IGSF11: variants seen among roughly 807,000 people sequenced by gnomAD.
The protein encoded by IGSF11 is CXADR like 1.
In IGSF11, 22 loss-of-function variants were observed where a neutral mutation model predicts 41.0. The ratio of observed to expected loss-of-function variants is 0.54; its 90% CI spans 0.38 to 0.77. The LOEUF (loss-of-function observed/expected upper bound fraction) is 0.77. Ranked by LOEUF, IGSF11 falls within the 30% of genes least tolerant of loss-of-function variation. The pLI is 0.00. For synonymous variants in IGSF11, 219 were observed against 201.3 expected, an observed-to-expected ratio of 1.09 and a Z score of -0.74; for missense variants, 444 against 530.8, an observed-to-expected ratio of 0.84 and a Z score of 1.61.
intron 1 of IGSF11, among the ~76,000 whole-genome samples, chr3:118,995,465 A>G (rs1936175234): frequency 6.6e-6 from 1 of 152,146 alleles, no homozygotes; most frequent in African/African-American, 2.4e-5. Context: ...AAGACTGGAG[A>G]TTAATTAAGA....
At chr3:119,021,601 G>T (rs1939294801) in intron 1 of IGSF11, among the ~76,000 whole-genome samples, 1 of 151,916 alleles carries the variant, frequency 6.6e-6, no homozygotes, top group Non-Finnish European at 1.5e-5. Context: ...ACCTAAAAAG[G>T]CTAAAAATAA....
intron 1 of IGSF11, among the ~76,000 whole-genome samples, chr3:118,987,016 T>C (rs1000936241): frequency 6.6e-6 from 1 of 152,194 alleles, no homozygotes; most frequent in Admixed American, 6.5e-5. Flanking sequence ...TAGATTCATT[T>C]ATCTAGACAT....
intron 1 of IGSF11, among the ~76,000 whole-genome samples, chr3:119,097,656 G>A (rs2107501933): frequency 6.6e-6 from 1 of 152,192 alleles, no homozygotes; most frequent in South Asian, 2.1e-4. Context: ...CAACTCTTTT[G>A]TTTTATTCCT....
intron 4 of IGSF11, among the ~76,000 whole-genome samples, chr3:118,913,910 G>C (rs1450382322): frequency 6.6e-6 from 1 of 152,190 alleles, no homozygotes; most frequent in Non-Finnish European, 1.5e-5. Flanking sequence ...CAGAAGCTGA[G>C]AGTTATGGTG....
chr3:119,003,706 A>C (rs1343031662), intron 1 of IGSF11, among the ~76,000 whole-genome samples: 1 of 151,930 alleles, frequency 6.6e-6, no homozygotes, highest in East Asian at 1.9e-4. Context: ...CTTTTTCTGC[A>C]TCTATTGAGA....
intron 1 of IGSF11, among the ~76,000 whole-genome samples, chr3:119,055,365 G>C (rs1484374614): frequency 6.6e-6 from 1 of 152,166 alleles, no homozygotes; most frequent in Admixed American, 6.5e-5. Flanking sequence ...GGCTAAAAGA[G>C]ACAAAGAAGG....
At chr3:119,032,273 C>T (rs1410268804) in intron 1 of IGSF11, among the ~76,000 whole-genome samples, 1 of 152,164 alleles carries the variant, frequency 6.6e-6, no homozygotes. Flanking sequence ...ACCCCTCCTG[C>T]TATTCCACAT....
intron 1 of IGSF11, among the ~76,000 whole-genome samples, chr3:119,136,732 C>T (rs573993694): frequency 9.9e-5 from 15 of 152,148 alleles, no homozygotes; most frequent in African/African-American, 2.6e-4. Context: ...TTCAACACCC[C>T]GCTTTCAGCA....
rs1939059255 is a variant in IGSF11, at chr3:118,902,787, T to C, written c.1029A>G (p.Gln343=). The C allele has an allele frequency of 5.0e-6, 8 of 1,614,162 alleles. No homozygotes were observed. The highest frequency in any genetic ancestry group is 5.9e-6 in the Non-Finnish European group (7 of 1,180,000). The change falls in exon 7 of 7, where the codon CAA becomes CAG. Residue 343 remains glutamine, a synonymous_variant. Coordinates refer to ENST00000393775, the MANE Select transcript of IGSF11 (RefSeq NM_001015887.3). ...CATTGCCTGAGTGGAAAGAGAAAGATTGGCCCAAGTCACTGAAGTGGCTGA... is the reference window on the plus strand; with the variant it reads ...CATTGCCTGAGTGGAAAGAGAAAGACTGGCCCAAGTCACTGAAGTGGCTGA... ...ESVSHFSDLG[Q]SFSFHSGNAN... is the part of the protein sequence containing the mutation.
intron 1 of IGSF11, among the ~76,000 whole-genome samples, chr3:119,055,933 G>C (rs1448802084): frequency 6.6e-6 from 1 of 152,154 alleles, no homozygotes; most frequent in Non-Finnish European, 1.5e-5. Context: ...TAAGAAAAAA[G>C]ACTCAACATA....
chr3:119,034,590 C>A lies in IGSF11; in HGVS notation c.-8G>T, dbSNP rs763911090. ...GGAACGCTGAGAAGTCATCCCGGGGCCGCAGGGAGCGCGCCTGCCTCCTAC... is the reference window on the plus strand; with the variant it reads ...GGAACGCTGAGAAGTCATCCCGGGGACGCAGGGAGCGCGCCTGCCTCCTAC... On this transcript the variant is annotated 5_prime_UTR_variant, in exon 1 of 7. Transcript: ENST00000393775. The A allele has an allele frequency of 2.0e-5, 31 of 1,586,838 alleles. No homozygotes were observed. Among genetic ancestry groups the A allele is most frequent in the Non-Finnish European group, 2.5e-5 (29 of 1,168,172 alleles).
At chr3:119,105,571 G>A (rs6779584), upstream of IGSF11, among the ~76,000 whole-genome samples, 102,701 of 152,012 alleles carry the variant, frequency 0.68, 35,110 homozygotes, top group East Asian at 0.85. Flanking sequence ...ACCTGCATCA[G>A]TCACAACTTA....
intron 1 of IGSF11, among the ~76,000 whole-genome samples, chr3:119,058,374 T>C (rs1166231680): frequency 2.0e-5 from 3 of 152,002 alleles, no homozygotes; most frequent in East Asian, 3.8e-4. Flanking sequence ...CATGAAAAAA[T>C]GCTCATCATC....
intron 1 of IGSF11, among the ~76,000 whole-genome samples, chr3:119,011,853 C>T (rs1938150053): frequency 6.6e-6 from 1 of 151,960 alleles, no homozygotes; most frequent in African/African-American, 2.4e-5. Context: ...AAATGTTGAA[C>T]ATATAATCTA....
intron 1 of IGSF11, among the ~76,000 whole-genome samples, chr3:119,092,292 T>G (rs2076776493): frequency 6.6e-6 from 1 of 152,182 alleles, no homozygotes; most frequent in Admixed American, 6.5e-5. Context: ...AGAAAAAATT[T>G]TTAATAAATT....
chr3:119,004,453 A>T (rs1381109371), intron 1 of IGSF11, among the ~76,000 whole-genome samples: 2 of 151,250 alleles, frequency 1.3e-5, no homozygotes, highest in Admixed American at 6.6e-5. Context: ...TTTGTGTGTC[A>T]CTATTTCCTT....
rs1346300882 is a variant in IGSF11 at position 118,901,842 on chromosome 3, C to G, written c.*678G>C. 2 of 151,322 alleles carry G rather than the reference C, an allele frequency of 1.3e-5. No homozygotes were observed. The highest frequency in any genetic ancestry group is 2.9e-5 in the Non-Finnish European group (2 of 67,916). The allele number at this position is 151,322 out of a possible 1,614,324, so 9.4% of individuals were successfully genotyped here. A position where few individuals can be genotyped will look rare whatever the true frequency, so the allele number is the denominator to read the frequency against. On this transcript the variant is annotated 3_prime_UTR_variant, in exon 7 of 7. Coordinates refer to ENST00000393775, the MANE Select transcript of IGSF11 (RefSeq NM_001015887.3). ...ACCTGTAACAGATCCTAGAATAACA[C>G]AGACAGGCAAGAATCTGTCAATATA...
intron 1 of IGSF11, among the ~76,000 whole-genome samples, chr3:119,083,531 CACACAA>C (rs199902864): frequency 0.082 from 4,838 of 58,958 alleles, 194 homozygotes; most frequent in East Asian, 0.27. Context: ...CACACACACA[CACACAA>C]ACACACACAC....
chr3:119,141,168 C>A (rs1448366424), intron 1 of IGSF11, among the ~76,000 whole-genome samples: 2 of 149,680 alleles, frequency 1.3e-5, no homozygotes, highest in Non-Finnish European at 3.0e-5. Flanking sequence ...CTTAATTAAC[C>A]AATGGATTAA....
Sources: allele counts gnomAD v4.1 joint callset (sites outside exome capture counted in the v4.1 genomes callset), GRCh38; gene constraint gnomAD v4.1.1; transcripts MANE v1.5; gene names NCBI Gene and HGNC (gene_info 2026-07-23, HGNC 2026-07-21).